The following TMEM45B variants were observed in gnomAD, a reference collection of about 807,000 sequenced individuals.
TMEM45B encodes transmembrane protein 45B.
A neutral mutation model predicts 27.3 loss-of-function variants in TMEM45B; 29 were observed. The observed-to-expected ratio is 1.06, with a 90% CI of 0.79 to 1.45. The LOEUF (loss-of-function observed/expected upper bound fraction) is 1.45. TMEM45B is among the 40% of genes most tolerant of loss of function. The pLI, the probability that TMEM45B is intolerant of heterozygous loss-of-function variation, is 0.00. For missense variants in TMEM45B, 348 were observed against 343.9 expected (o/e 1.01, Z -0.09); for synonymous variants, 143 against 134.7 (o/e 1.06, Z -0.43).
chr11:129,847,989 T>G (rs1419470869), intron 1 of TMEM45B, among the ~76,000 whole-genome samples: 1 of 150,700 alleles, frequency 6.6e-6, no homozygotes, highest in Non-Finnish European at 1.5e-5. Context: ...CCTCACTTCC[T>G]AGATGGGATG....
At chr11:129,816,991 C>G (rs1406037283) in intron 1 of TMEM45B, among the ~76,000 whole-genome samples, 1 of 151,846 alleles carries the variant, frequency 6.6e-6, no homozygotes, top group Non-Finnish European at 1.5e-5. Flanking sequence ...CATGATCCAC[C>G]CGCCTCAGCC....
intron 1 of TMEM45B, among the ~76,000 whole-genome samples, chr11:129,835,253 G>A (rs942512235): frequency 1.3e-5 from 2 of 152,186 alleles, no homozygotes; most frequent in African/African-American, 2.4e-5. Flanking sequence ...CTGGAGAAAA[G>A]ACCAAGGGTG....
In TMEM45B at chr11:129,828,788, C is replaced by T. The variant is rs560225395; in HGVS notation, c.-9+12890C>T. 1.5e-3 allele frequency among the ~76,000 whole-genome samples: 231 copies of T among 152,322 alleles called. 1 individual carries two copies. Among genetic ancestry groups the T allele is most frequent in the African/African-American group, 4.9e-3 (202 of 41,558 alleles). On this transcript the variant is annotated intron_variant, in intron 1 of 5. Transcript: ENST00000281441. ...CCTACTTCCTTACTGACCAAACACA[C>T]GTCTCATTCCCATTAACAAGTTATG...
Position 129,844,655 on chromosome 11 carries a change from C to G in TMEM45B, c.-8-7820C>G, listed in dbSNP as rs190752122. 3.3e-3 allele frequency among the ~76,000 whole-genome samples: 500 copies of G among 152,202 alleles called. 5 individuals are homozygous for G. The highest frequency in any genetic ancestry group is 0.011 in the African/African-American group (473 of 41,526). On this transcript the variant is annotated intron_variant, in intron 1 of 5. Coordinates refer to ENST00000281441, the MANE Select transcript of TMEM45B (RefSeq NM_138788.5). The stretch of plus-strand genomic sequence containing the variant: ...TGAACTATGATTATGCCACTGCACT[C>G]CACCCTCGGTGATAGGGCGAGACCC...
chr11:129,852,332 AGGC>A, intron 1 of TMEM45B, 140 bp from the exon 2 acceptor site: 1 of 716,280 alleles, frequency 1.4e-6, no homozygotes, highest in Non-Finnish European at 2.3e-6. Context: ...ACGTAACATA[AGGC>A]TTGTTTTATG....
intron 4 of TMEM45B, among the ~76,000 whole-genome samples, chr11:129,857,111 C>G (rs1333331132): frequency 6.6e-6 from 1 of 152,138 alleles, no homozygotes; most frequent in Non-Finnish European, 1.5e-5. Flanking sequence ...CTCAGCCTCC[C>G]GAAGTGCTGG....
intron 1 of TMEM45B, among the ~76,000 whole-genome samples, chr11:129,843,283 C>T (rs781414844): frequency 1.4e-4 from 22 of 152,192 alleles, no homozygotes; most frequent in Non-Finnish European, 2.8e-4. Context: ...TCTCAGTTCT[C>T]AAATGAGTTT....
intron 1 of TMEM45B, among the ~76,000 whole-genome samples, chr11:129,833,326 G>A (rs1042350985): frequency 2.0e-5 from 3 of 152,054 alleles, no homozygotes; most frequent in African/African-American, 7.2e-5. Context: ...GTTATGGGCA[G>A]AATTTTGTCC....
intron 1 of TMEM45B, among the ~76,000 whole-genome samples, chr11:129,849,798 G>A (rs753395527): frequency 1.3e-5 from 2 of 152,170 alleles, no homozygotes; most frequent in East Asian, 1.9e-4. Context: ...CTGAGACCCC[G>A]CAGGCGCCTG....
intron 1 of TMEM45B, among the ~76,000 whole-genome samples, chr11:129,842,891 C>T (rs1947712505): frequency 3.3e-5 from 5 of 152,146 alleles, no homozygotes; most frequent in Admixed American, 3.3e-4. Flanking sequence ...ATTTGCAAAC[C>T]ATATATGCAA....
At chr11:129,820,114 G>T (rs1286403818) in intron 1 of TMEM45B, among the ~76,000 whole-genome samples, 1 of 151,490 alleles carries the variant, frequency 6.6e-6, no homozygotes, top group Non-Finnish European at 1.5e-5. Context: ...AGGAGTTCAA[G>T]ACCAGCCTGG....
chr11:129,857,414 G>C lies in TMEM45B; in HGVS notation c.672G>C (p.Leu224=), dbSNP rs747386575. The C allele has an allele frequency of 5.0e-6, 8 of 1,614,140 alleles. No homozygotes were observed. In the South Asian group the frequency reaches 8.8e-5, roughly 18 times the overall value. ...FITMCFCWHY[L]AALSIVAVNY... is the part of the protein sequence containing the mutation. ...CCATGTGCTTCTGCTGGCACTACCT[G>C]GCTGCCCTCAGCATTGTGGCCGTCA... The change falls in exon 5 of 6, where the codon CTG becomes CTC. Residue 224 remains leucine, a synonymous_variant. Coordinates refer to ENST00000281441, the MANE Select transcript of TMEM45B (RefSeq NM_138788.5).
chr11:129,834,926 T>G (rs1490403072), intron 1 of TMEM45B, among the ~76,000 whole-genome samples: 1 of 152,150 alleles, frequency 6.6e-6, no homozygotes. Context: ...TGGTGAGATC[T>G]TGGACAGAAA....
rs57703931 is a variant in TMEM45B, at chr11:129,854,884, C to A, written c.385+68C>A. On this transcript the variant is annotated intron_variant, in intron 3 of 5. Coordinates refer to ENST00000281441, the MANE Select transcript of TMEM45B (RefSeq NM_138788.5). Reference sequence around the variant, plus strand: ...GTCATATTTATGAAGGATCAGAGTACAAAATATCAGAAATGTTGCAAATAT... The same window carrying A: ...GTCATATTTATGAAGGATCAGAGTAAAAAATATCAGAAATGTTGCAAATAT... 1.1e-5 allele frequency: 17 copies of A among 1,551,666 alleles called. No individual in the cohort carries two copies. The East Asian group carries it at 2.9e-4, about 27-fold the overall frequency.
intron 1 of TMEM45B, among the ~76,000 whole-genome samples, chr11:129,842,216 C>T (rs1425165653): frequency 7.2e-5 from 11 of 151,970 alleles, no homozygotes; most frequent in Admixed American, 1.3e-4. Context: ...TAATGGAAGC[C>T]GCAGAAAGGG....
intron 1 of TMEM45B, among the ~76,000 whole-genome samples, chr11:129,845,642 A>C (rs1947751675): frequency 1.3e-5 from 2 of 152,208 alleles, no homozygotes; most frequent in Non-Finnish European, 2.9e-5. Flanking sequence ...GACAGAAAAC[A>C]AATAGCAAAA....
chr11:129,852,004 A>G (rs1479312076), intron 1 of TMEM45B, among the ~76,000 whole-genome samples: 3 of 152,200 alleles, frequency 2.0e-5, no homozygotes, highest in Middle Eastern at 3.2e-3. Context: ...TCTTCTGCCT[A>G]TTCTTCTACG....
intron 1 of TMEM45B, among the ~76,000 whole-genome samples, chr11:129,818,358 C>T (rs1423771560): frequency 2.0e-5 from 3 of 152,198 alleles, no homozygotes; most frequent in East Asian, 1.9e-4. Flanking sequence ...GGTACACACC[C>T]GCATTCTCCT....
At chr11:129,852,870 CTG>C (rs1404047607) in intron 2 of TMEM45B, 3 of 420,990 alleles carry the variant, frequency 7.1e-6, no homozygotes, top group Non-Finnish European at 1.2e-5. Context: ...TCATGGGACA[CTG>C]TGAAAAACTC....
Sources: gnomAD v4.1 joint callset for allele counts (sites outside exome capture counted in the v4.1 genomes callset) on GRCh38, gnomAD v4.1.1 for gene constraint, MANE v1.5 for transcripts, NCBI Gene and HGNC (gene_info 2026-07-23, HGNC 2026-07-21) for gene names.